The following ZNF714 variants were observed in gnomAD, a reference collection of about 807,000 sequenced individuals.
The protein encoded by ZNF714 is zinc finger protein 714.
A neutral mutation model predicts 46.2 loss-of-function variants in ZNF714; 32 were observed. The ratio of observed to expected loss-of-function variants is 0.69; its 90% CI spans 0.52 to 0.93. The LOEUF (loss-of-function observed/expected upper bound fraction) is 0.93, where lower values mean the gene tolerates loss of function less well. Ranked by LOEUF, ZNF714 falls within the 40% of genes least tolerant of loss-of-function variation. ZNF714 has a pLI of 0.00. For missense variants in ZNF714, 635 were observed against 646.3 expected, an observed-to-expected ratio of 0.98 and a Z score of 0.19; for synonymous variants, 199 against 213.1, an observed-to-expected ratio of 0.93 and a Z score of 0.58.
At chr19:21,096,029 C>T (rs1265197819) in intron 2 of ZNF714, among the ~76,000 whole-genome samples, 4 of 152,130 alleles carry the variant, frequency 2.6e-5, no homozygotes, top group African/African-American at 9.7e-5. Flanking sequence ...TTAAGTGCCA[C>T]ATTTGCACTA....
intron 2 of ZNF714, chr19:21,091,549 G>A (rs1049273398): frequency 5.3e-5 from 8 of 152,008 alleles, no homozygotes; most frequent in Admixed American, 6.6e-5. Context: ...AATAAGAAAA[G>A]AGAGCACCAT....
chr19:21,085,708 CAGCCATGGAAGA>C (rs2144819010), intron 2 of ZNF714, among the ~76,000 whole-genome samples: 1 of 152,236 alleles, frequency 6.6e-6, no homozygotes, highest in East Asian at 1.9e-4. Context: ...CTGCTCACCC[CAGCCATGGAAGA>C]AGCCTTTCTG....
chr19:21,106,026 G>A (rs1391625763), intron 4 of ZNF714, among the ~76,000 whole-genome samples: 1 of 151,842 alleles, frequency 6.6e-6, no homozygotes, highest in Non-Finnish European at 1.5e-5. Context: ...TAAGGCGGGA[G>A]GGTCACGTGA....
chr19:21,094,597 G>A (rs1968994482), intron 2 of ZNF714, among the ~76,000 whole-genome samples: 2 of 152,212 alleles, frequency 1.3e-5, no homozygotes, highest in Non-Finnish European at 2.9e-5. Context: ...TGTGATCTCA[G>A]CTCATTGCAA....
In ZNF714 at chr19:21,116,893, A is replaced by G. The variant is rs1969607834; in HGVS notation, c.229A>G (p.Lys77Glu). The change falls in exon 5 of 5, where the codon AAA (lysine) becomes GAA (glutamate). Residue 77 changes from lysine (K) to glutamate (E), a missense_variant. Coordinates refer to ENST00000456283, the MANE Select transcript of ZNF714 (RefSeq NM_182515.4). ...ACAAGTGATACTGAGAAGACATGGCAAATGTGAACATGAGAATTTACAGTT... is the reference window on the plus strand; with the variant it reads ...ACAAGTGATACTGAGAAGACATGGCGAATGTGAACATGAGAATTTACAGTT... ...FQQVILRRHG[K>E]CEHENLQLRK... 6.2e-7 allele frequency: 1 copy of G among 1,613,958 alleles called. No individual in the cohort carries two copies. Among genetic ancestry groups the G allele is most frequent in the Non-Finnish European group, 8.5e-7 (1 of 1,179,886 alleles).
At chr19:21,100,347 A>G (rs1167753715) in intron 4 of ZNF714, among the ~76,000 whole-genome samples, 2 of 150,152 alleles carry the variant, frequency 1.3e-5, no homozygotes, top group Non-Finnish European at 1.5e-5. Flanking sequence ...ACATGGAGAA[A>G]CCCCGTCTCT....
At chr19:21,101,051 A>G (rs886738858) in intron 4 of ZNF714, among the ~76,000 whole-genome samples, 4 of 152,174 alleles carry the variant, frequency 2.6e-5, no homozygotes, top group African/African-American at 9.7e-5. Flanking sequence ...TTTTTATATA[A>G]TAAGATCATA....
intron 4 of ZNF714, among the ~76,000 whole-genome samples, chr19:21,104,255 A>G (rs1357489932): frequency 6.9e-6 from 1 of 145,018 alleles, no homozygotes; most frequent in East Asian, 2.0e-4. Flanking sequence ...TTGGATGTAT[A>G]TGTTACATTT....
At chr19:21,085,058 G>A (rs1422784996) in intron 2 of ZNF714, among the ~76,000 whole-genome samples, 1 of 152,174 alleles carries the variant, frequency 6.6e-6, no homozygotes, top group Non-Finnish European at 1.5e-5. Context: ...TTTCTCAGGT[G>A]TGTTTGTTTT....
chr19:21,114,794 T>C (rs1260682093), intron 4 of ZNF714, among the ~76,000 whole-genome samples: 1 of 152,230 alleles, frequency 6.6e-6, no homozygotes, highest in East Asian at 1.9e-4. Context: ...GGTTTTTTTC[T>C]TCCCATATTT....
Position 21,123,142 on chromosome 19 carries a change from ACT to A in ZNF714, c.*4813_*4814del, listed in dbSNP as rs1229368443. The A allele has an allele frequency of 7.0e-5, 7 of 99,634 alleles. No homozygotes were observed. The highest frequency in any genetic ancestry group is 3.0e-4 in the East Asian group (1 of 3,292). The allele number at this position is 99,634 out of a possible 1,614,324, so 6.2% of individuals were successfully genotyped here. ...GCACTCCAGCCTGGACAAGAGCAAA[ACT>A]CTGTCTCAAAAAAAAAAAAAAAAAA... On this transcript the variant is annotated 3_prime_UTR_variant, in exon 5 of 5. Coordinates refer to ENST00000456283, the MANE Select transcript of ZNF714 (RefSeq NM_182515.4).
At chr19:21,098,038 C>A in intron 2 of ZNF714, 147 bp from the exon 3 acceptor site, 2 of 1,193,568 alleles carry the variant, frequency 1.7e-6, no homozygotes, top group Non-Finnish European at 2.3e-6. Context: ...GAGAATATTT[C>A]TGTGTTAAAA....
intron 1 of ZNF714, among the ~76,000 whole-genome samples, chr19:21,083,671 G>T (rs756663747): frequency 1.4e-4 from 22 of 152,010 alleles, no homozygotes; most frequent in Admixed American, 2.6e-4. Context: ...CTTTTTAAAA[G>T]GTTTGTTACC....
Position 21,118,106 on chromosome 19 carries a change from A to G in ZNF714, c.1442A>G (p.Tyr481Cys), listed in dbSNP as rs768112756. The G allele has an allele frequency of 1.2e-6, 2 of 1,613,962 alleles. No individual in the cohort carries two copies. Among genetic ancestry groups the G allele is most frequent in the Non-Finnish European group, 1.7e-6 (2 of 1,179,866 alleles). ...ATAATTCATACTGGAGAGAAATCTT[A>G]CAAATGTGAAGAATGTGGTAAAGCC... is the stretch of plus-strand genomic sequence containing the variant. ...HNIIHTGEKSYKCEECGKAFN... is the reference protein window; with the variant it reads ...HNIIHTGEKSCKCEECGKAFN... The change falls in exon 5 of 5, where the codon TAC becomes TGC. Residue 481 changes from tyrosine (Y) to cysteine (C), a missense_variant. Tyr to Cys is a radical substitution (Grantham distance 194). Transcript: ENST00000456283.
chr19:21,104,396 C>G (rs958040093), intron 4 of ZNF714, among the ~76,000 whole-genome samples: 49 of 152,152 alleles, frequency 3.2e-4, no homozygotes, highest in African/African-American at 1.1e-3. Context: ...GAAATATATT[C>G]ATAAGTGAGA....
chr19:21,100,917 G>A (rs1218925545), intron 4 of ZNF714, among the ~76,000 whole-genome samples: 2 of 151,958 alleles, frequency 1.3e-5, no homozygotes, highest in Non-Finnish European at 2.9e-5. Context: ...CACTATGTTG[G>A]CCAGGCTGTT....
In ZNF714 at chr19:21,098,960, A is replaced by T. The variant is rs77022945; in HGVS notation, c.142+50A>T. 1.2e-3 allele frequency: 256 copies of T among 218,260 alleles called. No individual in the cohort carries two copies. The African/African-American group carries it at 0.028, about 24-fold the overall frequency. The allele number at this position is 218,260 out of a possible 1,614,324, so 13.5% of individuals were successfully genotyped here. ...TGACACAGATGAGAGGTACAAAGGT[A>T]AAAAAAAAAAAAAAGCAAGCCGGCC... is the stretch of plus-strand genomic sequence containing the variant. On this transcript the variant is annotated intron_variant, in intron 4 of 4. Transcript: ENST00000456283.
intron 2 of ZNF714, among the ~76,000 whole-genome samples, chr19:21,096,521 C>G (rs1048436341): frequency 2.0e-5 from 3 of 152,156 alleles, no homozygotes; most frequent in African/African-American, 7.2e-5. Flanking sequence ...TTTCCCTCCC[C>G]AATGATTTTG....
At chr19:21,091,708 C>T (rs1320402595) in intron 2 of ZNF714, 2 of 151,370 alleles carry the variant, frequency 1.3e-5, no homozygotes, top group Non-Finnish European at 2.9e-5. Flanking sequence ...TACATTTCTT[C>T]CATTTGACTT....
Sources: gnomAD v4.1 joint callset for allele counts (sites outside exome capture counted in the v4.1 genomes callset) on GRCh38, gnomAD v4.1.1 for gene constraint, MANE v1.5 for transcripts, NCBI Gene and HGNC (gene_info 2026-07-23, HGNC 2026-07-21) for gene names.